CDH8: variants seen among roughly 807,000 people sequenced by gnomAD.
CDH8 encodes cadherin-8.
Under a neutral mutation model 68.1 loss-of-function variants are expected in CDH8, and 17 were observed. That is an observed-to-expected ratio of 0.25 (90% CI 0.17 to 0.37). The LOEUF is 0.37. CDH8 is among the 10% of genes least tolerant of loss of function. The pLI is 1.00. For synonymous variants in CDH8, 372 were observed against 365.1 expected, an observed-to-expected ratio of 1.02 and a Z score of -0.21; for missense variants, 763 against 999.3, an observed-to-expected ratio of 0.76 and a Z score of 3.19.
chr16:61,928,479 A>C (rs964450449), intron 2 of CDH8, among the ~76,000 whole-genome samples: 1 of 152,086 alleles, frequency 6.6e-6, no homozygotes, highest in Admixed American at 6.6e-5. Context: ...TGCATCTATC[A>C]TGTCCCTGCA....
At chr16:61,978,975 A>ATT (rs5817328) in intron 2 of CDH8, among the ~76,000 whole-genome samples, 34 of 150,764 alleles carry the variant, frequency 2.3e-4, no homozygotes, top group Admixed American at 1.7e-3. Flanking sequence ...AAAATGAGCC[A>ATT]TTTTTTTTCC....
At chr16:61,946,158 C>T (rs1015037163) in intron 2 of CDH8, among the ~76,000 whole-genome samples, 2 of 152,066 alleles carry the variant, frequency 1.3e-5, no homozygotes, top group Non-Finnish European at 2.9e-5. Context: ...CACACACACA[C>T]AGAGGACCTC....
chr16:61,730,134 C>G (rs1959494024), intron 8 of CDH8, among the ~76,000 whole-genome samples: 1 of 151,344 alleles, frequency 6.6e-6, no homozygotes, highest in Non-Finnish European at 1.5e-5. Context: ...CTCATGGTTG[C>G]AATAAATTGC....
At chr16:61,892,170 G>C (rs575522945) in intron 3 of CDH8, among the ~76,000 whole-genome samples, 1 of 152,090 alleles carries the variant, frequency 6.6e-6, no homozygotes, top group East Asian at 1.9e-4. Flanking sequence ...GTAACCTGTA[G>C]TCATCATAAT....
chr16:61,743,517 G>C (rs1341404322), intron 8 of CDH8: 1 of 152,130 alleles, frequency 6.6e-6, no homozygotes, highest in Non-Finnish European at 1.5e-5. Context: ...TTGTAGCAAT[G>C]CTTCCTTCTT....
rs1483844946 is a variant in CDH8, at chr16:61,845,914, A to G, written c.667+11205T>C. Among the ~76,000 whole-genome samples, 3 of 152,202 alleles carry G rather than the reference A, an allele frequency of 2.0e-5. No individual in the cohort carries two copies. The East Asian group carries it at 5.8e-4, about 29-fold the overall frequency. Reference sequence around the variant, plus strand: ...TTTTAAAAGAATGGGTGTAAAACCTATTTATTTTCATTTTATAACCATGCA... The same window carrying G: ...TTTTAAAAGAATGGGTGTAAAACCTGTTTATTTTCATTTTATAACCATGCA... On this transcript the variant is annotated intron_variant, in intron 4 of 11. Transcript: ENST00000577390.
chr16:61,965,630 C>T (rs1205197583), intron 2 of CDH8, among the ~76,000 whole-genome samples: 2 of 152,166 alleles, frequency 1.3e-5, no homozygotes, highest in African/African-American at 2.4e-5. Context: ...TGCTACCAAA[C>T]TTGATTCTAA....
chr16:61,866,020 C>T (rs2043030835), intron 3 of CDH8, among the ~76,000 whole-genome samples: 1 of 152,088 alleles, frequency 6.6e-6, no homozygotes, highest in African/African-American at 2.4e-5. Context: ...GAATTCAAGA[C>T]TAGCCTGGGC....
At chr16:61,909,848 A>G (rs781077134) in intron 2 of CDH8, among the ~76,000 whole-genome samples, 14 of 152,308 alleles carry the variant, frequency 9.2e-5, no homozygotes, top group Admixed American at 5.2e-4. Context: ...TAGAAGTGCA[A>G]AGAGAGAATA....
At position 61,648,774 on chromosome 16, in the gene CDH8, C is replaced by A. The variant is rs951517856; in HGVS notation, c.*4834G>T. 6.6e-6 allele frequency: 1 copy of A among 151,860 alleles called. No homozygotes were observed. Among genetic ancestry groups the A allele is most frequent in the African/African-American group, 2.4e-5 (1 of 41,400 alleles). The allele number at this position is 151,860 out of a possible 1,614,324, so 9.4% of individuals were successfully genotyped here. ...CTCAATAAATGTGACAGACAAAATT[C>A]TTTTTCCTCAGATAGTCCATCAAGT... On this transcript the variant is annotated 3_prime_UTR_variant, in exon 12 of 12. Coordinates refer to ENST00000577390, the MANE Select transcript of CDH8 (RefSeq NM_001796.5).
At chr16:62,010,498 G>A (rs551539934) in intron 2 of CDH8, among the ~76,000 whole-genome samples, 1 of 152,306 alleles carries the variant, frequency 6.6e-6, no homozygotes, top group African/African-American at 2.4e-5. Context: ...TCCCTTCAGT[G>A]ACTTTCTCCC....
intron 10 of CDH8, among the ~76,000 whole-genome samples, chr16:61,669,421 T>G (rs944227936): frequency 1.7e-4 from 26 of 152,198 alleles, no homozygotes; most frequent in African/African-American, 5.5e-4. Flanking sequence ...GTAAGATCTT[T>G]GGATGCAGAA....
intron 9 of CDH8, among the ~76,000 whole-genome samples, chr16:61,714,515 T>G (rs1596892027): frequency 6.6e-6 from 1 of 151,598 alleles, no homozygotes; most frequent in African/African-American, 2.4e-5. Context: ...GGGTAACACA[T>G]GCAAACAATG....
intron 2 of CDH8, among the ~76,000 whole-genome samples, chr16:61,936,876 G>C (rs1182411670): frequency 6.6e-6 from 1 of 152,098 alleles, no homozygotes; most frequent in East Asian, 1.9e-4. Context: ...TAACTTCTAA[G>C]CAATATTATC....
At chr16:61,654,997 A>G (rs1044830542) in intron 11 of CDH8, among the ~76,000 whole-genome samples, 7 of 152,198 alleles carry the variant, frequency 4.6e-5, no homozygotes, top group African/African-American at 1.2e-4. Flanking sequence ...ATGCAATGGT[A>G]TTTTGAAGAA....
intron 10 of CDH8, among the ~76,000 whole-genome samples, chr16:61,698,589 G>C (rs772193439): frequency 6.6e-6 from 1 of 152,134 alleles, no homozygotes. Context: ...CATATATCAA[G>C]AGGCTCAGAC....
At chr16:61,810,586 G>C (rs1329715342) in intron 7 of CDH8, among the ~76,000 whole-genome samples, 2 of 152,122 alleles carry the variant, frequency 1.3e-5, no homozygotes, top group Non-Finnish European at 1.5e-5. Context: ...TACAGGGTGA[G>C]ATATTTTCAC....
At chr16:61,977,331 TA>T (rs1965452740) in intron 2 of CDH8, among the ~76,000 whole-genome samples, 1 of 152,136 alleles carries the variant, frequency 6.6e-6, no homozygotes, top group Non-Finnish European at 1.5e-5. Context: ...TTACAAATCT[TA>T]AAAATTGTAG....
At chr16:61,977,075 T>A (rs765043265) in intron 2 of CDH8, among the ~76,000 whole-genome samples, 8 of 152,104 alleles carry the variant, frequency 5.3e-5, no homozygotes, top group Non-Finnish European at 1.0e-4. Context: ...ATAGGCACCA[T>A]CTGTCAAAAA....
Sources: allele counts gnomAD v4.1 joint callset (sites outside exome capture counted in the v4.1 genomes callset), GRCh38; gene constraint gnomAD v4.1.1; transcripts MANE v1.5; gene names NCBI Gene and HGNC (gene_info 2026-07-23, HGNC 2026-07-21).